The following RAP1GAP2 variants were observed in gnomAD, a reference collection of about 807,000 sequenced individuals.
The protein encoded by RAP1GAP2 is RAP1 GTPase activating protein 2.
Under a neutral mutation model 95.0 loss-of-function variants are expected in RAP1GAP2, and 27 were observed. That is an observed-to-expected ratio of 0.28 (90% CI 0.21 to 0.39). The LOEUF (loss-of-function observed/expected upper bound fraction) is 0.39, where lower values mean the gene tolerates loss of function less well. RAP1GAP2 is among the 10% of genes least tolerant of loss of function. The probability of loss-of-function intolerance (pLI) is 1.00; values close to 1 mark genes in which losing one functional copy is unlikely to be tolerated. For missense variants in RAP1GAP2, 771 were observed against 970.0 expected, an observed-to-expected ratio of 0.79 and a Z score of 2.72; for synonymous variants, 373 against 380.9, an observed-to-expected ratio of 0.98 and a Z score of 0.24.
intron 2 of RAP1GAP2, among the ~76,000 whole-genome samples, chr17:2,771,387 G>A (rs990365739): frequency 4.6e-5 from 7 of 151,824 alleles, no homozygotes; most frequent in African/African-American, 1.7e-4. Flanking sequence ...CAACAGAGGC[G>A]TCCTGGCAAC....
At chr17:2,941,173 G>A (rs926877733) in intron 3 of RAP1GAP2, among the ~76,000 whole-genome samples, 1 of 152,178 alleles carries the variant, frequency 6.6e-6, no homozygotes. Flanking sequence ...AGGCCGAAGC[G>A]GGTGGATCAC....
At chr17:2,782,280 C>G (rs1431046677) in intron 1 of RAP1GAP2, among the ~76,000 whole-genome samples, 1 of 152,218 alleles carries the variant, frequency 6.6e-6, no homozygotes, top group Non-Finnish European at 1.5e-5. Context: ...AGCCTCCAGC[C>G]CCATCCTCCC....
At chr17:3,007,807 T>C (rs769655404) in intron 16 of RAP1GAP2, among the ~76,000 whole-genome samples, 4 of 151,090 alleles carry the variant, frequency 2.6e-5, no homozygotes, top group African/African-American at 4.9e-5. Context: ...GCAGGGGGAG[T>C]AGAGCAGGAG....
intron 18 of RAP1GAP2, 107 bp from the exon 19 acceptor site, chr17:3,020,370 G>C (rs749848174): frequency 1.7e-5 from 14 of 819,182 alleles, no homozygotes; most frequent in Non-Finnish European, 2.9e-5. Context: ...GCTATTTTCT[G>C]GGGTCTCTTC....
intron 2 of RAP1GAP2, among the ~76,000 whole-genome samples, chr17:2,801,648 T>TGTGTGTGTGA (rs1359858387): frequency 7.2e-6 from 1 of 138,216 alleles, no homozygotes; most frequent in Non-Finnish European, 1.6e-5. Flanking sequence ...TGTGTGTGTG[T>TGTGTGTGTGA]GATGTCAGCT....
At chr17:2,931,923 G>GC (rs1567792489) in intron 3 of RAP1GAP2, among the ~76,000 whole-genome samples, 1 of 152,104 alleles carries the variant, frequency 6.6e-6, no homozygotes, top group Middle Eastern at 3.2e-3. Context: ...AGAAGCACAA[G>GC]CCCCCCAAAA....
chr17:2,904,601 C>T lies in RAP1GAP2; in HGVS notation c.81-683C>T, dbSNP rs12946748. 0.27 allele frequency among the ~76,000 whole-genome samples: 38,884 copies of T among 146,416 alleles called. 6,166 individuals carry two copies. Among genetic ancestry groups the T allele is most frequent in the Non-Finnish European group, 0.36 (24,063 of 66,860 alleles). ...AGAGGGGCTCAAGGGAGAATGAATC[C>T]GCGTTTCTCCCCTCCTCTTCTCACA... is the stretch of plus-strand genomic sequence containing the variant. On this transcript the variant is annotated intron_variant, in intron 2 of 24. Transcript: ENST00000254695. The surrounding 1 kb of genome is among the most constrained non-coding windows in gnomAD (Gnocchi z 4.7).
intron 1 of RAP1GAP2, among the ~76,000 whole-genome samples, chr17:2,789,234 A>G (rs1467275520): frequency 2.0e-5 from 3 of 151,864 alleles, no homozygotes; most frequent in South Asian, 4.2e-4. Flanking sequence ...TTTTGTAGAC[A>G]TGGGGGTTCC....
At chr17:2,908,713 TA>T (rs1367158811) in intron 3 of RAP1GAP2, among the ~76,000 whole-genome samples, 1 of 152,034 alleles carries the variant, frequency 6.6e-6, no homozygotes, top group Non-Finnish European at 1.5e-5. Flanking sequence ...CTTCTTCTTT[TA>T]AATTAAAAAA....
intron 2 of RAP1GAP2, among the ~76,000 whole-genome samples, chr17:2,882,921 G>A (rs983815249): frequency 3.9e-5 from 6 of 152,204 alleles, no homozygotes; most frequent in African/African-American, 9.7e-5. Flanking sequence ...ACAGATACTC[G>A]CGGAATGAAT....
intron 3 of RAP1GAP2, among the ~76,000 whole-genome samples, chr17:2,928,791 C>T (rs954285289): frequency 4.6e-5 from 7 of 151,852 alleles, no homozygotes; most frequent in Non-Finnish European, 8.8e-5. Flanking sequence ...GGGAATTGGT[C>T]GTCAGCTGTT....
chr17:2,760,311 AAAG>A (rs1344758150), intron 1 of RAP1GAP2, among the ~76,000 whole-genome samples: 1 of 149,588 alleles, frequency 6.7e-6, no homozygotes, highest in South Asian at 2.1e-4. Context: ...AAAAAAAAAA[AAAG>A]AAAAGAAAAA....
chr17:3,027,879 G>T lies in RAP1GAP2; in HGVS notation c.2107+809G>T, dbSNP rs1041405389. Reference sequence around the variant, plus strand: ...AAAATGTACGGGCTCAGTAGCAGGGGTTCAGAGAGAGCAGGAGTCTGGGCG... The same window carrying T: ...AAAATGTACGGGCTCAGTAGCAGGGTTTCAGAGAGAGCAGGAGTCTGGGCG... On this transcript the variant is annotated intron_variant, in intron 22 of 24. Transcript: ENST00000254695. This position sits in a 1 kb window ranked among gnomAD's most constrained non-coding sequence, Gnocchi z 5.2. Among the ~76,000 whole-genome samples, 1 of 152,040 alleles carries T rather than the reference G, an allele frequency of 6.6e-6. No homozygotes were observed. Among genetic ancestry groups the T allele is most frequent in the Admixed American group, 6.5e-5 (1 of 15,274 alleles).
chr17:2,856,634 G>C (rs2072148740), intron 2 of RAP1GAP2, among the ~76,000 whole-genome samples: 1 of 152,194 alleles, frequency 6.6e-6, no homozygotes, highest in South Asian at 2.1e-4. Context: ...CTAGTCTGTG[G>C]GTGGTGGGGG....
chr17:2,882,678 C>G lies in RAP1GAP2; in HGVS notation c.81-22606C>G, dbSNP rs980261924. On this transcript the variant is annotated intron_variant, in intron 2 of 24. Transcript: ENST00000254695. ...TCATTTCAGCATGGTCCCTGTGTCTCCTTCCTGGAGAATGGGTTGCTCAGT... is the reference window on the plus strand; with the variant it reads ...TCATTTCAGCATGGTCCCTGTGTCTGCTTCCTGGAGAATGGGTTGCTCAGT... Among the ~76,000 whole-genome samples, 4 of 152,306 alleles carry G rather than the reference C, an allele frequency of 2.6e-5. No homozygotes were observed. In the South Asian group the frequency reaches 8.3e-4, roughly 32 times the overall value.
At chr17:2,932,820 AAAAG>A (rs1459948551) in intron 3 of RAP1GAP2, among the ~76,000 whole-genome samples, 1 of 30,776 alleles carries the variant, frequency 3.2e-5, no homozygotes, top group Non-Finnish European at 8.2e-5. Context: ...CCATCTCAAA[AAAAG>A]AAAAAAAAAA....
chr17:2,850,250 T>A (rs2071779134), intron 2 of RAP1GAP2, among the ~76,000 whole-genome samples: 1 of 151,170 alleles, frequency 6.6e-6, no homozygotes, highest in Non-Finnish European at 1.5e-5. Flanking sequence ...TCCGCCCGCC[T>A]CGGCCTCCCA....
intron 2 of RAP1GAP2, among the ~76,000 whole-genome samples, chr17:2,860,424 G>A (rs530159128): frequency 3.3e-5 from 5 of 150,202 alleles, no homozygotes; most frequent in Non-Finnish European, 7.4e-5. Context: ...GTGCAAATGA[G>A]TTTAATTCCT....
At chr17:2,950,476 C>T (rs1200687220) in intron 3 of RAP1GAP2, among the ~76,000 whole-genome samples, 1 of 152,130 alleles carries the variant, frequency 6.6e-6, no homozygotes, top group East Asian at 1.9e-4. Context: ...AGGGAGCTTT[C>T]CCATAGCTCC....
Sources: allele counts gnomAD v4.1 joint callset (sites outside exome capture counted in the v4.1 genomes callset), GRCh38; gene constraint gnomAD v4.1.1; non-coding constraint Gnocchi (gnomAD v3.1); transcripts MANE v1.5; gene names NCBI Gene and HGNC (gene_info 2026-07-23, HGNC 2026-07-21).